DAB1: variants seen among roughly 807,000 people sequenced by gnomAD.
DAB1 encodes disabled homolog 1.
DAB1 carries 15 observed loss-of-function variants against 64.6 expected under a neutral mutation model. The ratio of observed to expected loss-of-function variants is 0.23; its 90% CI spans 0.16 to 0.36. The LOEUF (loss-of-function observed/expected upper bound fraction) is 0.36. Ranked by LOEUF, DAB1 falls within the 10% of genes least tolerant of loss-of-function variation. The pLI is 1.00. For synonymous variants in DAB1, 235 were observed against 251.9 expected (o/e 0.93, Z 0.64); for missense variants, 596 against 706.7 (o/e 0.84, Z 1.78).
intron 2 of DAB1, among the ~76,000 whole-genome samples, chr1:57,151,696 A>T (rs1569608705): frequency 6.6e-6 from 1 of 151,530 alleles, no homozygotes; most frequent in East Asian, 1.9e-4. Flanking sequence ...ATTTTTAAAA[A>T]TTTAAATTTG....
At chr1:58,438,135 G>A (rs1161039485) in intron 3 of DAB1, among the ~76,000 whole-genome samples, 4 of 152,076 alleles carry the variant, frequency 2.6e-5, no homozygotes, top group Non-Finnish European at 4.4e-5. Context: ...ATTCTGAGTC[G>A]CACTCACACC....
chr1:58,201,685 T>C (rs1163257037), intron 4 of DAB1, among the ~76,000 whole-genome samples: 1 of 152,218 alleles, frequency 6.6e-6, no homozygotes, highest in Non-Finnish European at 1.5e-5. Context: ...GGGGGATTCC[T>C]GGCAGAATTC....
intron 7 of DAB1, among the ~76,000 whole-genome samples, chr1:57,430,107 T>C (rs1322687401): frequency 6.6e-6 from 1 of 152,254 alleles, no homozygotes; most frequent in East Asian, 1.9e-4. Context: ...TTAATTATTC[T>C]ACTCCATGAG....
intron 4 of DAB1, among the ~76,000 whole-genome samples, chr1:58,300,462 G>A (rs953404950): frequency 1.3e-5 from 2 of 150,990 alleles, no homozygotes; most frequent in Non-Finnish European, 2.9e-5. Flanking sequence ...CAGGAGAATC[G>A]CTTGAACCTG....
chr1:57,790,138 GT>G (rs1311406763), intron 6 of DAB1, among the ~76,000 whole-genome samples: 1 of 152,116 alleles, frequency 6.6e-6, no homozygotes, highest in Non-Finnish European at 1.5e-5. Context: ...TTCTGATATG[GT>G]TTGGCTGTGT....
intron 2 of DAB1, among the ~76,000 whole-genome samples, chr1:57,188,189 G>A (rs1266911527): frequency 6.6e-6 from 1 of 152,080 alleles, no homozygotes; most frequent in Non-Finnish European, 1.5e-5. Context: ...CTTTCTGAAG[G>A]ATACCCCTGC....
intron 5 of DAB1, among the ~76,000 whole-genome samples, chr1:58,097,471 G>A (rs990375899): frequency 9.9e-5 from 15 of 152,184 alleles, no homozygotes; most frequent in African/African-American, 3.6e-4. Flanking sequence ...GTTGAAAACA[G>A]GTACTGGGTG....
chr1:57,533,539 G>GTATATA (rs59378470), intron 7 of DAB1, among the ~76,000 whole-genome samples: 17,745 of 141,712 alleles, frequency 0.13, 1,410 homozygotes, highest in Non-Finnish European at 0.17. Context: ...TTCATAACAG[G>GTATATA]TATATATATA....
chr1:57,243,208 GA>G (rs1422803866), intron 2 of DAB1, among the ~76,000 whole-genome samples: 2 of 152,132 alleles, frequency 1.3e-5, no homozygotes, highest in African/African-American at 4.8e-5. Context: ...TGTTTATTAG[GA>G]CTATTTTTAT....
chr1:58,476,335 G>A (rs1645418613), intron 3 of DAB1, among the ~76,000 whole-genome samples: 1 of 152,136 alleles, frequency 6.6e-6, no homozygotes, highest in Non-Finnish European at 1.5e-5. Context: ...CCTGGAAACA[G>A]AGCTGCACTG....
chr1:57,099,031 G>C (rs1654425956), intron 4 of DAB1, among the ~76,000 whole-genome samples: 1 of 152,156 alleles, frequency 6.6e-6, no homozygotes, highest in Non-Finnish European at 1.5e-5. Context: ...TGTAAAACTG[G>C]GTTGGGAGAG....
At chr1:57,815,230 G>A (rs1352286039) in intron 6 of DAB1, among the ~76,000 whole-genome samples, 5 of 151,778 alleles carry the variant, frequency 3.3e-5, no homozygotes, top group African/African-American at 1.2e-4. Context: ...CACCACACCC[G>A]GCTAATTTTT....
chr1:57,783,894 C>G (rs1234064772), intron 6 of DAB1, among the ~76,000 whole-genome samples: 1 of 152,082 alleles, frequency 6.6e-6, no homozygotes, highest in Non-Finnish European at 1.5e-5. Flanking sequence ...TGGTCATTCC[C>G]CAATCTCTCT....
chr1:58,436,534 G>A (rs1383595163), intron 3 of DAB1, among the ~76,000 whole-genome samples: 1 of 152,180 alleles, frequency 6.6e-6, no homozygotes, highest in African/African-American at 2.4e-5. Flanking sequence ...TCCATGCCAT[G>A]GAGATGAAGT....
At chr1:57,425,678 T>C (rs2101104946), upstream of DAB1, among the ~76,000 whole-genome samples, 1 of 152,320 alleles carries the variant, frequency 6.6e-6, no homozygotes, top group African/African-American at 2.4e-5. Context: ...CAGGATGCAA[T>C]CTTGCAAGAA....
At chr1:58,344,603 G>T (rs1315346766) in intron 3 of DAB1, among the ~76,000 whole-genome samples, 1 of 152,150 alleles carries the variant, frequency 6.6e-6, no homozygotes, top group African/African-American at 2.4e-5. Flanking sequence ...AATCCGAAAA[G>T]CCCCTTCTGG....
chr1:58,300,799 G>C (rs1662153303), intron 4 of DAB1, among the ~76,000 whole-genome samples: 2 of 152,050 alleles, frequency 1.3e-5, no homozygotes, highest in Non-Finnish European at 1.5e-5. Context: ...AATGCATACA[G>C]TTCTGCACAT....
chr1:57,279,314 G>A (rs564380157), intron 2 of DAB1, among the ~76,000 whole-genome samples: 5 of 152,204 alleles, frequency 3.3e-5, no homozygotes, highest in East Asian at 1.9e-4. Flanking sequence ...TAGATTACTC[G>A]TAATACCTAA....
chr1:57,786,143 A>G (rs1276325788), intron 6 of DAB1, among the ~76,000 whole-genome samples: 1 of 152,190 alleles, frequency 6.6e-6, no homozygotes, highest in Non-Finnish European at 1.5e-5. Context: ...TTTTCTAATT[A>G]AGGTATTCAC....
Sources: allele counts gnomAD v4.1 joint callset (sites outside exome capture counted in the v4.1 genomes callset), GRCh38; gene constraint gnomAD v4.1.1; transcripts MANE v1.5; gene names NCBI Gene and HGNC (gene_info 2026-07-23, HGNC 2026-07-21).